The following C17orf50 variants were observed in gnomAD, a reference collection of about 807,000 sequenced individuals.
C17orf50 encodes the protein uncharacterized protein C17orf50.
A neutral mutation model predicts 17.7 loss-of-function variants in C17orf50; 16 were observed. The observed-to-expected ratio is 0.90, with a 90% CI of 0.61 to 1.37. The LOEUF is 1.37. C17orf50 is among the 40% of genes most tolerant of loss of function. C17orf50 has a pLI of 0.00. For missense variants in C17orf50, 271 were observed against 240.7 expected (o/e 1.13, Z -0.83); for synonymous variants, 125 against 111.0 (o/e 1.13, Z -0.80).
intron 1 of C17orf50, among the ~76,000 whole-genome samples, chr17:35,762,841 A>C (rs1555601750): frequency 6.6e-6 from 1 of 152,130 alleles, no homozygotes; most frequent in East Asian, 1.9e-4. Flanking sequence ...AAATGGGATC[A>C]GTGGCCAGGC....
At chr17:35,762,588 G>A (rs587770677) in intron 1 of C17orf50, among the ~76,000 whole-genome samples, 1 of 152,244 alleles carries the variant, frequency 6.6e-6, no homozygotes, top group East Asian at 1.9e-4. Flanking sequence ...GAAGAAGGAG[G>A]AAGCGTCTTT....
At position 35,764,673 on chromosome 17, in the gene C17orf50, T is replaced by C; in HGVS notation, c.*55T>C. ...CATCATTTCCTGGCCCCAGACCCCC[T>C]ACCGACCTTCTCTCTTGGAGCGCGG... is the stretch of plus-strand genomic sequence containing the variant. On this transcript the variant is annotated 3_prime_UTR_variant, in exon 3 of 3. Transcript: ENST00000605587. The C allele has an allele frequency of 6.7e-7, 1 of 1,498,448 alleles. No individual in the cohort carries two copies. Among genetic ancestry groups the C allele is most frequent in the Non-Finnish European group, 8.9e-7 (1 of 1,128,750 alleles). 92.8% of individuals were successfully genotyped at this position (1,498,448 alleles called of 1,614,324 possible). A position where few individuals can be genotyped will look rare whatever the true frequency, so the allele number is the denominator to read the frequency against.
In C17orf50 at chr17:35,763,894, C is replaced by G. The variant is rs1171267740; in HGVS notation, c.14-113C>G. 9.5e-6 allele frequency: 5 copies of G among 524,376 alleles called. No homozygotes were observed. In the East Asian group the frequency reaches 3.7e-4, roughly 39 times the overall value. The allele number at this position is 524,376 out of a possible 1,614,324, so 32.5% of individuals were successfully genotyped here. On this transcript the variant is annotated intron_variant, in intron 1 of 2. Coordinates refer to ENST00000605587, the MANE Select transcript of C17orf50 (RefSeq NM_145272.4). ...CCTGAGCTACAGAGAGAGACCCTGT[C>G]TCAAAATAAATAAATAAATAAATAA...
intron 1 of C17orf50, 73 bp from the exon 2 acceptor site, chr17:35,763,934 A>AAATAAATAAATG: frequency 9.4e-7 from 1 of 1,062,308 alleles, no homozygotes; most frequent in Middle Eastern, 2.8e-4. Context: ...ATAAATAAAT[A>AAATAAATAAATG]AATACATGAA....
chr17:35,764,195 G>A lies in C17orf50; in HGVS notation c.202G>A (p.Val68Met). The change falls in exon 2 of 3, where the codon GTG becomes ATG. Residue 68 changes from valine to methionine, a missense_variant. By Grantham distance (21) the Val-to-Met change is conservative. Coordinates refer to ENST00000605587, the MANE Select transcript of C17orf50 (RefSeq NM_145272.4). ...GGGCGAAGGCCGCGAGCGGCGCTCA[G>A]TGTCCTACTGCCCGCTGCGCCAGGA... ...EEGEGRERRS[V>M]SYCPLRQESS... 1 of 1,547,902 alleles carries A rather than the reference G, an allele frequency of 6.5e-7. No homozygotes were observed.
At chr17:35,761,789 C>T (rs994253236) in intron 1 of C17orf50, among the ~76,000 whole-genome samples, 2 of 152,158 alleles carry the variant, frequency 1.3e-5, no homozygotes, top group African/African-American at 4.8e-5. Flanking sequence ...GATTCCATAG[C>T]GCAGCACTCA....
At chr17:35,761,099 ATTTTTTT>A (rs10533957) in intron 1 of C17orf50, 145 bp downstream of exon 1, 60,808 of 505,080 alleles carry the variant, frequency 0.12, 1,401 homozygotes, top group East Asian at 0.19. Context: ...GCCTTCCTGA[ATTTTTTT>A]TTTTTTTTTT....
rs1555602323 is a variant in C17orf50 at position 35,764,439 on chromosome 17, C to G, written c.346C>G (p.Pro116Ala). ...TAPTDRKRSLPEEPCVLEIRR... is the reference protein window; with the variant it reads ...TAPTDRKRSLAEEPCVLEIRR... ...CCCCGCCGGCAGGAAGCGGAGCCTCCCGGAGGAGCCGTGCGTGCTGGAGAT... is the reference window on the plus strand; with the variant it reads ...CCCCGCCGGCAGGAAGCGGAGCCTCGCGGAGGAGCCGTGCGTGCTGGAGAT... Residue 116 changes from proline (P) to alanine (A), a missense_variant, in exon 3 of 3, where the codon CCG becomes GCG. Physicochemically the swap from Pro to Ala is conservative, Grantham distance 27. Transcript: ENST00000605587. 1.3e-6 allele frequency: 2 copies of G among 1,547,560 alleles called. No individual in the cohort carries two copies. Among genetic ancestry groups the G allele is most frequent in the East Asian group, 5.0e-5 (2 of 40,058 alleles).
At chr17:35,761,208 A>G (rs782732069) in intron 1 of C17orf50, among the ~76,000 whole-genome samples, 1 of 147,660 alleles carries the variant, frequency 6.8e-6, no homozygotes, top group Non-Finnish European at 1.5e-5. Flanking sequence ...GGTTCAAGTG[A>G]TTCTCGTTCC....
chr17:35,761,185 C>T (rs587707729), intron 1 of C17orf50, among the ~76,000 whole-genome samples: 2 of 149,358 alleles, frequency 1.3e-5, no homozygotes, highest in African/African-American at 5.0e-5. Context: ...CTCACTGCAG[C>T]CTCTGCCTCC....
chr17:35,761,083 C>A, intron 1 of C17orf50, 129 bp downstream of exon 1: 1 of 967,628 alleles, frequency 1.0e-6, no homozygotes, highest in Non-Finnish European at 1.5e-6. Flanking sequence ...CAAGCCCTCT[C>A]CTTTCGCCTT....
Position 35,762,456 on chromosome 17 carries a change from C to T in C17orf50, c.13+1502C>T, listed in dbSNP as rs587682148. On this transcript the variant is annotated intron_variant, in intron 1 of 2. Coordinates refer to ENST00000605587, the MANE Select transcript of C17orf50 (RefSeq NM_145272.4). ...GGCGGCGGACACCTTCTAGGGGAGG[C>T]CAGCTTAGTTTCCATGTCAGCCCAG... Among the ~76,000 whole-genome samples the T allele has an allele frequency of 3.3e-5, 5 of 152,272 alleles. No homozygotes were observed. In the East Asian group the frequency reaches 9.6e-4, roughly 29 times the overall value.
Position 35,763,998 on chromosome 17 carries a change from G to C in C17orf50, c.14-9G>C. 4 of 1,529,838 alleles carry C rather than the reference G, an allele frequency of 2.6e-6. No individual in the cohort carries two copies. Among genetic ancestry groups the C allele is most frequent in the Non-Finnish European group, 3.5e-6 (4 of 1,133,698 alleles). 94.8% of individuals were successfully genotyped at this position (1,529,838 alleles called of 1,614,324 possible). A position where few individuals can be genotyped will look rare whatever the true frequency, so the allele number is the denominator to read the frequency against. ...AGCAGGACTGCCCTGACCTCCTCCCGGCCCGCAGGTGTGAAGACCCCCTTG... is the reference window on the plus strand; with the variant it reads ...AGCAGGACTGCCCTGACCTCCTCCCCGCCCGCAGGTGTGAAGACCCCCTTG... On this transcript the variant is annotated splice_polypyrimidine_tract_variant and intron_variant, in intron 1 of 2. Transcript: ENST00000605587.
chr17:35,761,056 A>C, intron 1 of C17orf50, 102 bp downstream of exon 1: 6 of 1,284,414 alleles, frequency 4.7e-6, no homozygotes, highest in Admixed American at 3.0e-5. Flanking sequence ...TTTCTCAGTT[A>C]CCCATCCATG....
At chr17:35,762,334 G>A (rs1555601701) in intron 1 of C17orf50, among the ~76,000 whole-genome samples, 1 of 152,158 alleles carries the variant, frequency 6.6e-6, no homozygotes, top group African/African-American at 2.4e-5. Context: ...CACGAGTTGT[G>A]TCTTCCCTGC....
rs781931043 is a variant in C17orf50 at position 35,764,581 on chromosome 17, C to T, written c.488C>T (p.Pro163Leu). 1.8e-5 allele frequency: 28 copies of T among 1,594,588 alleles called. No individual in the cohort carries two copies. The highest frequency in any genetic ancestry group is 3.4e-5 in the Admixed American group (2 of 58,402). ...AYVAHCVLDH[P>L]DLGKAGAAGN... ...GTGGCGCACTGCGTTCTGGATCACC[C>T]GGATCTGGGTAAGGCGGGGGCCGCT... Residue 163 changes from proline (P) to leucine (L), a missense_variant, in exon 3 of 3, where the codon CCG becomes CTG. Coordinates refer to ENST00000605587, the MANE Select transcript of C17orf50 (RefSeq NM_145272.4).
At chr17:35,763,644 C>A (rs2085869864) in intron 1 of C17orf50, among the ~76,000 whole-genome samples, 1 of 151,646 alleles carries the variant, frequency 6.6e-6, no homozygotes, top group Non-Finnish European at 1.5e-5. Flanking sequence ...CGCCTGTAAT[C>A]TCAGCACTTT....
chr17:35,761,528 C>T (rs2085820844), intron 1 of C17orf50, among the ~76,000 whole-genome samples: 1 of 152,076 alleles, frequency 6.6e-6, no homozygotes. Context: ...ATTCTCCTGA[C>T]TTGGCCTCCC....
In C17orf50 at chr17:35,764,011, G is replaced by A; in HGVS notation, c.18G>A (p.Val6=). 2.6e-6 allele frequency: 4 copies of A among 1,540,672 alleles called. No individual in the cohort carries two copies. Among genetic ancestry groups the A allele is most frequent in the Non-Finnish European group, 3.5e-6 (4 of 1,140,272 alleles). The change falls in exon 2 of 3, where the codon GTG becomes GTA. Residue 6 remains valine (V), a synonymous_variant. Coordinates refer to ENST00000605587, the MANE Select transcript of C17orf50 (RefSeq NM_145272.4). ...TGACCTCCTCCCGGCCCGCAGGTGT[G>A]AAGACCCCCTTGTGGAAGAAGGAAA... MDKHG[V]KTPLWKKETE... is the part of the protein sequence containing the mutation.
Sources: gnomAD v4.1 joint callset for allele counts (sites outside exome capture counted in the v4.1 genomes callset) on GRCh38, gnomAD v4.1.1 for gene constraint, MANE v1.5 for transcripts, NCBI Gene and HGNC (gene_info 2026-07-23, HGNC 2026-07-21) for gene names.